The following ABCA6 variants were observed in gnomAD, a reference collection of about 807,000 sequenced individuals.
The protein encoded by ABCA6 is ATP binding cassette subfamily A member 6, also known as ATP-binding cassette sub-family A member 6.
ABCA6 carries 164 observed loss-of-function variants against 191.2 expected under a neutral mutation model. The ratio of observed to expected loss-of-function variants is 0.86; its 90% confidence interval spans 0.76 to 0.98. The LOEUF (loss-of-function observed/expected upper bound fraction) is 0.98. Among genes scored for constraint, ABCA6 ranks in the 50% least tolerant of loss-of-function variants. The pLI, the probability that ABCA6 is intolerant of heterozygous loss-of-function variation, is 0.00. For synonymous variants in ABCA6, 636 were observed against 647.7 expected (o/e 0.98, Z 0.27); for missense variants, 1,958 against 1,894.1 (o/e 1.03, Z -0.63).
chr17:69,138,271 C>T, intron 2 of ABCA6, among the ~76,000 whole-genome samples: 1 of 152,168 alleles, frequency 6.6e-6, no homozygotes, highest in East Asian at 1.9e-4. Flanking sequence ...ACCTACTTTA[C>T]TTCCACTCTC....
In ABCA6 at chr17:69,107,807, A is replaced by G. The variant is rs561018562; in HGVS notation, c.2278T>C (p.Phe760Leu). 2 of 1,601,748 alleles carry G rather than the reference A, an allele frequency of 1.2e-6. No homozygotes were observed. Among genetic ancestry groups the G allele is most frequent in the African/African-American group, 1.3e-5 (1 of 74,634 alleles). ...TCAGAACACTTATCCAGATCACTGA[A>G]AAGATCTAAGGCAAAAAAATATGAA... ...LERTNTFPDLFSDLDKCSDQG... is the reference protein window; with the variant it reads ...LERTNTFPDLLSDLDKCSDQG... The change falls in exon 18 of 39, where the codon TTC becomes CTC. Residue 760 changes from phenylalanine to leucine, a missense_variant. Phe to Leu is a conservative substitution (Grantham distance 22). Coordinates refer to ENST00000284425, the MANE Select transcript of ABCA6 (RefSeq NM_080284.3).
chr17:69,101,811 A>T (rs756907838), intron 21 of ABCA6, among the ~76,000 whole-genome samples: 2 of 152,210 alleles, frequency 1.3e-5, no homozygotes, highest in Non-Finnish European at 2.9e-5. Context: ...TAGTTCATGT[A>T]GTAAATATGT....
At position 69,136,128 on chromosome 17, in the gene ABCA6, C is replaced by G. The variant is rs1485620410; in HGVS notation, c.424G>C (p.Gly142Arg). The G allele has an allele frequency of 6.2e-7, 1 of 1,609,710 alleles. No homozygotes were observed. Among genetic ancestry groups the G allele is most frequent in the Admixed American group, 1.7e-5 (1 of 59,588 alleles). Residue 142 changes from glycine (G) to arginine (R), a missense_variant, in exon 4 of 39, where the codon GGA (glycine) becomes CGA (arginine). Transcript: ENST00000284425. Reference sequence around the variant, plus strand: ...TCTTTCCAAAGTGGACTGTTATATCCCTGGAAAAATATTAACTTATAAGAG... The same window carrying G: ...TCTTTCCAAAGTGGACTGTTATATCGCTGGAAAAATATTAACTTATAAGAG... ...TFSYKLIFFQGYNSPLWKEDF... is the reference protein window; with the variant it reads ...TFSYKLIFFQRYNSPLWKEDF...
At chr17:69,134,976 G>C (rs1381527678) in intron 4 of ABCA6, among the ~76,000 whole-genome samples, 4 of 139,074 alleles carry the variant, frequency 2.9e-5, no homozygotes, top group Non-Finnish European at 6.0e-5. Context: ...TCCACCTCCT[G>C]GGTTCAAGTG....
In ABCA6 at chr17:69,115,423, T is replaced by C. The variant is rs760051576; in HGVS notation, c.1559A>G (p.Lys520Arg). 1.2e-5 allele frequency: 19 copies of C among 1,612,144 alleles called. No homozygotes were observed. The Admixed American group carries it at 2.5e-4, about 21-fold the overall frequency. ...TAILGHSGAG[K>R]SSLLNILNGL... ...ATTAAGAATATTTAGCAGTGAAGAT[T>C]TGCCAGCTCCACTGTGACCCAGGAT... The change falls in exon 12 of 39, where the codon AAA becomes AGA. Residue 520 changes from lysine to arginine, a missense_variant. Physicochemically the swap from Lys to Arg is conservative, Grantham distance 26 (BLOSUM62 2). Transcript: ENST00000284425.
intron 29 of ABCA6, 145 bp downstream of exon 29, chr17:69,087,208 G>T: frequency 1.0e-6 from 1 of 989,872 alleles, no homozygotes; most frequent in Non-Finnish European, 1.5e-6. Flanking sequence ...TGATTATGCA[G>T]ATACTTCTTT....
At position 69,140,711 on chromosome 17, in the gene ABCA6, A is replaced by C; in HGVS notation, c.-8T>G. The C allele has an allele frequency of 1.3e-6, 2 of 1,549,772 alleles. No homozygotes were observed. The highest frequency in any genetic ancestry group is 1.7e-6 in the Non-Finnish European group (2 of 1,147,538). ...TTTCTGTTTCATATTCATTTAGCCT[A>C]TTCGCTGAAGGAGAAAGTAATCATG... On this transcript the variant is annotated 5_prime_UTR_variant, in exon 2 of 39. It removes the in-frame stop codon of an upstream open reading frame in the 5' UTR. Coordinates refer to ENST00000284425, the MANE Select transcript of ABCA6 (RefSeq NM_080284.3).
Position 69,136,072 on chromosome 17 carries a change from T to C in ABCA6, c.460+20A>G. 6.2e-7 allele frequency: 1 copy of C among 1,601,598 alleles called. No homozygotes were observed. The highest frequency in any genetic ancestry group is 8.5e-7 in the Non-Finnish European group (1 of 1,171,100). ...GAAAACATGAAAAATTCCATAATGA[T>C]ATTTGATATGGAAAGTCACCTGAGA... On this transcript the variant is annotated intron_variant, in intron 4 of 38. Coordinates refer to ENST00000284425, the MANE Select transcript of ABCA6 (RefSeq NM_080284.3).
chr17:69,096,275 T>C lies in ABCA6; in HGVS notation c.3373A>G (p.Lys1125Glu), dbSNP rs774161254. The change falls in exon 25 of 39, where the codon AAA becomes GAA. Residue 1125 changes from lysine (K) to glutamate (E), a missense_variant. Transcript: ENST00000284425. ...MISFIFRKRR[K>E]NSGLWSFYFF... ...TAAAATGACCAAAGGCCACTGTTTTTTCTCCTTTTGCGAAAAATAAATGAT... is the reference window on the plus strand; with the variant it reads ...TAAAATGACCAAAGGCCACTGTTTTCTCTCCTTTTGCGAAAAATAAATGAT... 88 of 1,529,398 alleles carry C rather than the reference T, an allele frequency of 5.8e-5. No homozygotes were observed. Among genetic ancestry groups the C allele is most frequent in the Non-Finnish European group, 7.6e-5 (86 of 1,137,876 alleles). 94.7% of individuals were successfully genotyped at this position (1,529,398 alleles called of 1,614,324 possible).
Position 69,129,609 on chromosome 17 carries a change from C to T in ABCA6, c.933+1G>A. On this transcript the variant is annotated splice_donor_variant, in intron 7 of 38. Transcript: ENST00000284425. LOFTEE classifies it high-confidence loss of function. ...AAGTGGTAATAAATGTATCAACTTA[C>T]CAAAGATAAGCCATATAAAAAAAAG... 1.9e-6 allele frequency: 3 copies of T among 1,583,798 alleles called. No homozygotes were observed. Among genetic ancestry groups the T allele is most frequent in the African/African-American group, 1.4e-5 (1 of 73,272 alleles).
At chr17:69,114,279 C>T (rs2073491772) in intron 13 of ABCA6, among the ~76,000 whole-genome samples, 1 of 151,866 alleles carries the variant, frequency 6.6e-6, no homozygotes, top group Non-Finnish European at 1.5e-5. Context: ...ATGGATGAAG[C>T]TGGAAACCAT....
chr17:69,087,836 C>T (rs1204884968), intron 28 of ABCA6, among the ~76,000 whole-genome samples: 1 of 152,180 alleles, frequency 6.6e-6, no homozygotes, highest in African/African-American at 2.4e-5. Flanking sequence ...TTCTACAGCC[C>T]TCCATTTTTA....
intron 32 of ABCA6, 93 bp from the exon 33 acceptor site, chr17:69,084,600 G>A (rs1280147739): frequency 1.8e-6 from 2 of 1,100,110 alleles, no homozygotes; most frequent in Non-Finnish European, 2.7e-6. Context: ...GGGAAGTTTA[G>A]TAATATTATT....
chr17:69,097,615 A>C (rs1406815250), intron 23 of ABCA6, among the ~76,000 whole-genome samples: 1 of 152,184 alleles, frequency 6.6e-6, no homozygotes, highest in African/African-American at 2.4e-5. Flanking sequence ...TTTCAACATC[A>C]ATGATTTCCT....
At chr17:69,081,890 C>A (rs753806061) in intron 36 of ABCA6, among the ~76,000 whole-genome samples, 11 of 152,182 alleles carry the variant, frequency 7.2e-5, no homozygotes, top group Non-Finnish European at 1.5e-4. Flanking sequence ...AAAATACTTC[C>A]TGACCTCTAA....
At chr17:69,098,288 A>G in intron 22 of ABCA6, 1 of 364,256 alleles carries the variant, frequency 2.7e-6, no homozygotes. Context: ...ATACCCTCAC[A>G]TTCATATTCA....
chr17:69,105,879 G>T, intron 19 of ABCA6, 149 bp downstream of exon 19: 1 of 859,406 alleles, frequency 1.2e-6, no homozygotes, highest in Non-Finnish European at 1.8e-6. Context: ...GAACATACAG[G>T]TATTCCCACT....
At position 69,085,700 on chromosome 17, in the gene ABCA6, C is replaced by A. The variant is rs759455858; in HGVS notation, c.3954G>T (p.Leu1318Phe). Residue 1318 changes from leucine to phenylalanine, a missense_variant, in exon 31 of 39, where the codon TTG becomes TTT. Physicochemically the swap from Leu to Phe is conservative, Grantham distance 22. Coordinates refer to ENST00000284425, the MANE Select transcript of ABCA6 (RefSeq NM_080284.3). ...FCVQEGEILGLLGPNGAGKSS... is the reference protein window; with the variant it reads ...FCVQEGEILGFLGPNGAGKSS... ...TTTTTCCAGCACCATTGGGTCCTAG[C>A]AATCCCAAAATTTCACCTGAAAGAA... is the stretch of plus-strand genomic sequence containing the variant. 33 of 1,607,826 alleles carry A rather than the reference C, an allele frequency of 2.1e-5. No individual in the cohort carries two copies. The African/African-American group carries it at 3.1e-4, about 15-fold the overall frequency.
At chr17:69,116,907 T>A (rs1473615196) in intron 11 of ABCA6, among the ~76,000 whole-genome samples, 1 of 152,122 alleles carries the variant, frequency 6.6e-6, no homozygotes, top group Admixed American at 6.6e-5. Flanking sequence ...ATTTTTAAAA[T>A]GAACAAAATT....
Sources: gnomAD v4.1 joint callset for allele counts (sites outside exome capture counted in the v4.1 genomes callset) on GRCh38, gnomAD v4.1.1 for gene constraint, MANE v1.5 for transcripts, NCBI Gene and HGNC (gene_info 2026-07-23, HGNC 2026-07-21) for gene names.